The following TNRC6B variants were observed in gnomAD, a reference collection of about 807,000 sequenced individuals.
TNRC6B encodes the protein trinucleotide repeat containing adaptor 6B, also known as trinucleotide repeat-containing gene 6B protein.
Under a neutral mutation model 203.6 loss-of-function variants are expected in TNRC6B, and 52 were observed. The observed-to-expected ratio is 0.26, with a 90% CI of 0.20 to 0.32. The LOEUF is 0.32. TNRC6B is among the 10% of genes least tolerant of loss of function. The pLI, the probability that TNRC6B is intolerant of heterozygous loss-of-function variation, is 1.00. For synonymous variants in TNRC6B, 838 were observed against 845.7 expected (o/e 0.99, Z 0.16); for missense variants, 1,923 against 2,286.2 (o/e 0.84, Z 3.24).
intron 1 of TNRC6B, among the ~76,000 whole-genome samples, chr22:40,101,168 A>T (rs1337301413): frequency 6.6e-6 from 1 of 151,806 alleles, no homozygotes; most frequent in Non-Finnish European, 1.5e-5. Context: ...AATTTTTTGT[A>T]TCTTTAGTAG....
At chr22:40,124,503 G>A (rs897443352) in intron 2 of TNRC6B, among the ~76,000 whole-genome samples, 4 of 151,692 alleles carry the variant, frequency 2.6e-5, no homozygotes, top group Non-Finnish European at 5.9e-5. Flanking sequence ...TTGTATTTTG[G>A]GTAGAGGTGG....
Position 40,265,815 on chromosome 22 carries a change from A to G in TNRC6B, c.1585A>G (p.Asn529Asp). The G allele has an allele frequency of 1.9e-6, 3 of 1,613,982 alleles. No individual in the cohort carries two copies. The highest frequency in any genetic ancestry group is 2.5e-6 in the Non-Finnish European group (3 of 1,179,890). Residue 529 changes from asparagine to aspartate, a missense_variant, in exon 5 of 23, where the codon AAC (asparagine) becomes GAC (aspartate). This residue lies in a region of TNRC6B where 614 missense variants were observed against 587.7 expected (regional missense o/e 1.04). Transcript: ENST00000454349. ...ELKIGEWSGP[N>D]QPNSSTGAWD... is the part of the protein sequence containing the mutation. ...GAAAATTGGAGAATGGAGTGGTCCA[A>G]ACCAACCAAATTCTAGCACTGGAGC...
At chr22:40,049,074 T>C (rs1174144508) in intron 1 of TNRC6B, among the ~76,000 whole-genome samples, 1 of 152,084 alleles carries the variant, frequency 6.6e-6, no homozygotes, top group Non-Finnish European at 1.5e-5. Flanking sequence ...CATTTGTTCA[T>C]TTATTTAAAA....
intron 12 of TNRC6B, among the ~76,000 whole-genome samples, chr22:40,289,130 T>C (rs1295427321): frequency 1.3e-5 from 2 of 152,026 alleles, no homozygotes; most frequent in African/African-American, 2.4e-5. Context: ...AAAATTTTTT[T>C]TAATGATCCA....
At chr22:40,134,820 C>A (rs1568993784) in intron 3 of TNRC6B, among the ~76,000 whole-genome samples, 2 of 152,184 alleles carry the variant, frequency 1.3e-5, no homozygotes. Context: ...GACTATCTTC[C>A]TAATTTTTCT....
chr22:40,115,945 T>C (rs1178296979), intron 1 of TNRC6B, among the ~76,000 whole-genome samples: 1 of 152,194 alleles, frequency 6.6e-6, no homozygotes, highest in Non-Finnish European at 1.5e-5. Context: ...AGTAGGGAGA[T>C]AGGGAGACAA....
At chr22:40,080,059 T>C (rs1223122272) in intron 1 of TNRC6B, among the ~76,000 whole-genome samples, 2 of 151,474 alleles carry the variant, frequency 1.3e-5, no homozygotes, top group East Asian at 3.9e-4. Context: ...CCTCCCAAAG[T>C]GTTGGGATTA....
intron 1 of TNRC6B, among the ~76,000 whole-genome samples, chr22:40,062,707 G>A (rs953773857): frequency 2.0e-5 from 3 of 152,084 alleles, no homozygotes; most frequent in East Asian, 1.9e-4. Context: ...TTGCCTGAAC[G>A]CTAATGATTT....
At position 40,088,965 on chromosome 22, in the gene TNRC6B, G is replaced by C. The variant is rs117774025; in HGVS notation, c.-120-28090G>C. 5.1e-4 allele frequency among the ~76,000 whole-genome samples: 77 copies of C among 152,146 alleles called. No homozygotes were observed. The East Asian group carries it at 0.014, about 28-fold the overall frequency. ...TACATTCTTAGTGGGTATATGCCCT[G>C]AGAGTGAAAAAAGAACTGCAACAAA... On this transcript the variant is annotated intron_variant, in intron 1 of 23. Coordinates refer to the TNRC6B transcript ENST00000301923.
chr22:40,162,184 C>A (rs2068877033), intron 4 of TNRC6B, among the ~76,000 whole-genome samples: 2 of 152,178 alleles, frequency 1.3e-5, no homozygotes, highest in South Asian at 4.1e-4. Context: ...GCAACCTCAA[C>A]CTCCCAGGTT....
intron 3 of TNRC6B, among the ~76,000 whole-genome samples, chr22:40,143,577 C>A (rs564571245): frequency 1.3e-5 from 2 of 152,168 alleles, no homozygotes; most frequent in African/African-American, 4.8e-5. Flanking sequence ...GCGAGCTCCA[C>A]CTCCCGGGTT....
At chr22:40,205,473 T>C (rs1039541429) in intron 1 of TNRC6B, among the ~76,000 whole-genome samples, 1 of 152,206 alleles carries the variant, frequency 6.6e-6, no homozygotes, top group Non-Finnish European at 1.5e-5. Flanking sequence ...ACTAGAATGG[T>C]TCACTGTTGG....
At chr22:40,277,586 C>T (rs2070662901) in intron 8 of TNRC6B, among the ~76,000 whole-genome samples, 1 of 152,146 alleles carries the variant, frequency 6.6e-6, no homozygotes, top group Non-Finnish European at 1.5e-5. Flanking sequence ...ACACCCTGTC[C>T]CTGGTTGCCA....
chr22:40,295,791 A>T (rs1800739810), intron 12 of TNRC6B, among the ~76,000 whole-genome samples: 1 of 152,222 alleles, frequency 6.6e-6, no homozygotes, highest in African/African-American at 2.4e-5. Context: ...TTTGGTGACT[A>T]GGAAAGGAAT....
intron 1 of TNRC6B, among the ~76,000 whole-genome samples, chr22:40,182,001 T>G (rs972070447): frequency 3.4e-5 from 5 of 149,122 alleles, no homozygotes; most frequent in African/African-American, 1.2e-4. Context: ...ATCCCAGCAC[T>G]TTGGGAGGTC....
intron 1 of TNRC6B, among the ~76,000 whole-genome samples, chr22:40,207,182 A>G (rs1044815416): frequency 2.6e-5 from 4 of 152,178 alleles, no homozygotes; most frequent in Non-Finnish European, 5.9e-5. Flanking sequence ...TCAGATAAAT[A>G]TGAAAAAAAT....
chr22:40,283,631 A>G (rs2070745625), intron 11 of TNRC6B, among the ~76,000 whole-genome samples: 1 of 152,138 alleles, frequency 6.6e-6, no homozygotes. Context: ...TTTTTTGATC[A>G]ACTACTGTGG....
Position 40,328,886 on chromosome 22 carries a change from G to GTA in TNRC6B, c.*5647_*5648dup, listed in dbSNP as rs1465128373. ...TTAGATTTGAGATTTTTGTTTTTAA[G>GTA]TATCTATAAGATCTTTAGAAGTGAG... On this transcript the variant is annotated 3_prime_UTR_variant, in exon 23 of 23. Transcript: ENST00000454349. 6.6e-6 allele frequency: 1 copy of GTA among 152,234 alleles called. No homozygotes were observed. Among genetic ancestry groups the GTA allele is most frequent in the Non-Finnish European group, 1.5e-5 (1 of 67,958 alleles). The allele number at this position is 152,234 out of a possible 1,614,324, so 9.4% of individuals were successfully genotyped here.
intron 3 of TNRC6B, among the ~76,000 whole-genome samples, chr22:40,253,910 C>T (rs2070231389): frequency 6.6e-6 from 1 of 152,170 alleles, no homozygotes; most frequent in Admixed American, 6.5e-5. Context: ...GCCCTTCACT[C>T]TGAATCTACC....
Sources: allele counts gnomAD v4.1 joint callset (sites outside exome capture counted in the v4.1 genomes callset), GRCh38; gene constraint gnomAD v4.1.1; regional missense constraint gnomAD v4.1.1; transcripts MANE v1.5; gene names NCBI Gene and HGNC (gene_info 2026-07-23, HGNC 2026-07-21).